The following LYRM4 variants were observed in gnomAD, a reference collection of about 807,000 sequenced individuals.
LYRM4 encodes LYR motif containing 4.
A neutral mutation model predicts 11.7 loss-of-function variants in LYRM4; 9 were observed. The observed-to-expected ratio is 0.77, with a 90% confidence interval of 0.46 to 1.34. The LOEUF (loss-of-function observed/expected upper bound fraction) is 1.34. Ranked by LOEUF, LYRM4 falls within the 40% of genes most tolerant of loss-of-function variation. LYRM4 has a pLI of 0.00. For missense variants in LYRM4, 133 were observed against 112.5 expected (o/e 1.18, Z -0.82); for synonymous variants, 42 against 40.4 (o/e 1.04, Z -0.15).
chr6:5,198,895 A>G (rs1235100781), intron 2 of LYRM4, among the ~76,000 whole-genome samples: 2 of 152,240 alleles, frequency 1.3e-5, no homozygotes, highest in Non-Finnish European at 2.9e-5. Flanking sequence ...TCAAAACGAC[A>G]GAAAAAAACA....
At chr6:5,156,211 C>T (rs772418887) in intron 2 of LYRM4, among the ~76,000 whole-genome samples, 4 of 152,216 alleles carry the variant, frequency 2.6e-5, no homozygotes, top group Non-Finnish European at 4.4e-5. Flanking sequence ...GCAAGGCAGC[C>T]GTTCATGAAG....
At position 5,154,667 on chromosome 6, in the gene LYRM4, G is replaced by T. The variant is rs1323630171; in HGVS notation, c.208-45176C>A. On this transcript the variant is annotated intron_variant, in intron 2 of 2. Coordinates refer to ENST00000330636, the MANE Select transcript of LYRM4 (RefSeq NM_020408.6). ...CTGTCTGTACTAAAAACACACAAAAGAATTAGCCGGGCGTGGTGTCACGCG... is the reference window on the plus strand; with the variant it reads ...CTGTCTGTACTAAAAACACACAAAATAATTAGCCGGGCGTGGTGTCACGCG... Among the ~76,000 whole-genome samples, 5 of 152,108 alleles carry T rather than the reference G, an allele frequency of 3.3e-5. No homozygotes were observed. The South Asian group carries it at 1.0e-3, about 32-fold the overall frequency.
chr6:5,217,215 T>C (rs903930968), intron 1 of LYRM4, among the ~76,000 whole-genome samples: 1 of 152,248 alleles, frequency 6.6e-6, no homozygotes, highest in Non-Finnish European at 1.5e-5. Context: ...ACCCAGATAG[T>C]GACCTATGCT....
At chr6:5,240,590 C>CAAGA (rs1763818268) in intron 1 of LYRM4, 1 of 152,180 alleles carries the variant, frequency 6.6e-6, no homozygotes, top group South Asian at 2.1e-4. Flanking sequence ...GTTCCAAAGA[C>CAAGA]AAGACATCCT....
chr6:5,156,700 T>G (rs1306947029), intron 2 of LYRM4, among the ~76,000 whole-genome samples: 3 of 152,104 alleles, frequency 2.0e-5, no homozygotes, highest in Non-Finnish European at 2.9e-5. Flanking sequence ...AATCCAGATC[T>G]CCTATAATCT....
At chr6:5,131,094 G>A (rs9504339) in intron 2 of LYRM4, among the ~76,000 whole-genome samples, 2,179 of 152,262 alleles carry the variant, frequency 0.014, 36 homozygotes, top group South Asian at 0.089. Context: ...AAGATATACC[G>A]GGTATATATG....
chr6:5,050,223 G>A, the LYRM4 span, among the ~76,000 whole-genome samples: 1 of 152,210 alleles, frequency 6.6e-6, no homozygotes, highest in Non-Finnish European at 1.5e-5. Flanking sequence ...GGTTGATTTT[G>A]GCTAATTTTA....
chr6:5,039,277 G>A, the LYRM4 span, among the ~76,000 whole-genome samples: 1 of 152,092 alleles, frequency 6.6e-6, no homozygotes, highest in African/African-American at 2.4e-5. Context: ...ATGTAACATG[G>A]CATTTACTCA....
chr6:5,136,273 T>C, intron 2 of LYRM4: 1 of 983,760 alleles, frequency 1.0e-6, no homozygotes, highest in Non-Finnish European at 1.2e-6. Flanking sequence ...CACTAGATCA[T>C]TTGGTCATTC....
chr6:5,255,993 A>C (rs184125409), intron 1 of LYRM4, among the ~76,000 whole-genome samples: 11 of 152,176 alleles, frequency 7.2e-5, no homozygotes, highest in African/African-American at 2.4e-4. Context: ...GACTATCCTA[A>C]GTACTTGATG....
the LYRM4 span, chr6:5,085,571 C>G: frequency 4.5e-6 from 7 of 1,543,652 alleles, no homozygotes; most frequent in East Asian, 1.5e-4. Context: ...GAGCTGCCCG[C>G]CCCGGTGGTC....
the LYRM4 span, chr6:5,043,208 A>AC: frequency 6.6e-6 from 1 of 152,260 alleles, no homozygotes; most frequent in East Asian, 1.9e-4. Context: ...TGCCACCATG[A>AC]CCTGAGAAAT....
intron 2 of LYRM4, among the ~76,000 whole-genome samples, chr6:5,215,890 C>T (rs78408867): frequency 0.018 from 2,724 of 152,258 alleles, 75 homozygotes; most frequent in African/African-American, 0.062. Context: ...CAAAGAAAAA[C>T]AGTGAAAAGG....
chr6:5,216,496 A>G (rs1762278589), intron 2 of LYRM4, 122 bp downstream of exon 2: 1 of 1,123,414 alleles, frequency 8.9e-7, no homozygotes, highest in African/African-American at 1.6e-5. Context: ...AGTACAAGGA[A>G]CAGAGTTTCA....
intron 2 of LYRM4, among the ~76,000 whole-genome samples, chr6:5,138,988 A>G (rs954037402): frequency 5.9e-5 from 9 of 152,230 alleles, no homozygotes; most frequent in African/African-American, 2.2e-4. Flanking sequence ...GCCTAAGAGA[A>G]TTTGATCTCA....
the LYRM4 span, among the ~76,000 whole-genome samples, chr6:5,060,093 G>A: frequency 6.6e-6 from 1 of 152,218 alleles, no homozygotes; most frequent in African/African-American, 2.4e-5. Flanking sequence ...TCTTTAATGA[G>A]CATGTACATT....
At chr6:5,121,959 T>A (rs1180248579) in intron 2 of LYRM4, among the ~76,000 whole-genome samples, 1 of 152,236 alleles carries the variant, frequency 6.6e-6, no homozygotes, top group Admixed American at 6.5e-5. Context: ...GGGATACATA[T>A]CTTTGACAAA....
At chr6:5,155,174 C>T (rs1366963450) in intron 2 of LYRM4, among the ~76,000 whole-genome samples, 1 of 152,078 alleles carries the variant, frequency 6.6e-6, no homozygotes, top group Non-Finnish European at 1.5e-5. Flanking sequence ...CTCTGTCTCC[C>T]GGGTTCAAGC....
intron 2 of LYRM4, among the ~76,000 whole-genome samples, chr6:5,142,500 T>C (rs1398133276): frequency 2.0e-5 from 3 of 152,322 alleles, no homozygotes; most frequent in East Asian, 1.9e-4. Flanking sequence ...AGAAGTGGGA[T>C]GTGGCAATAA....
Sources: gnomAD v4.1 joint callset for allele counts (sites outside exome capture counted in the v4.1 genomes callset) on GRCh38, gnomAD v4.1.1 for gene constraint, MANE v1.5 for transcripts, NCBI Gene and HGNC (gene_info 2026-07-23, HGNC 2026-07-21) for gene names.